The following MTMR2 variants were observed in gnomAD, a reference collection of about 807,000 sequenced individuals.
MTMR2 encodes the protein myotubularin related protein 2, also known as phosphatidylinositol-3,5-bisphosphate 3-phosphatase MTMR2.
MTMR2 carries 55 observed loss-of-function variants against 86.9 expected under a neutral mutation model. That is an observed-to-expected ratio of 0.63 (90% confidence interval 0.51 to 0.79). The LOEUF is 0.79. MTMR2 is among the 30% of genes least tolerant of loss of function. The probability of loss-of-function intolerance (pLI) is 0.00; values close to 1 mark genes in which losing one functional copy is unlikely to be tolerated. For synonymous variants in MTMR2, 241 were observed against 266.8 expected, an observed-to-expected ratio of 0.90 and a Z score of 0.94; for missense variants, 659 against 772.3, an observed-to-expected ratio of 0.85 and a Z score of 1.74.
At chr11:95,922,111 G>C (rs7924962) in intron 1 of MTMR2, among the ~76,000 whole-genome samples, 8,648 of 152,216 alleles carry the variant, frequency 0.057, 817 homozygotes, top group African/African-American at 0.2. Flanking sequence ...GACAATGTTA[G>C]AGTTCCAAGG....
At chr11:95,869,636 A>T (rs1274637588) in intron 2 of MTMR2, among the ~76,000 whole-genome samples, 1 of 152,162 alleles carries the variant, frequency 6.6e-6, no homozygotes, top group Non-Finnish European at 1.5e-5. Context: ...TTCATTTCTT[A>T]TGAGGACTGA....
At chr11:95,910,826 T>C (rs1360640775) in intron 1 of MTMR2, among the ~76,000 whole-genome samples, 1 of 152,044 alleles carries the variant, frequency 6.6e-6, no homozygotes, top group African/African-American at 2.4e-5. Flanking sequence ...CACAATGCAC[T>C]ATAGTATCAT....
At chr11:95,854,282 C>A (rs1864130024) in intron 7 of MTMR2, among the ~76,000 whole-genome samples, 1 of 152,158 alleles carries the variant, frequency 6.6e-6, no homozygotes, top group South Asian at 2.1e-4. Flanking sequence ...CCTTCAGTAT[C>A]CACTTGTCAG....
At chr11:95,909,273 G>A (rs1007755334) in intron 1 of MTMR2, among the ~76,000 whole-genome samples, 3 of 152,002 alleles carry the variant, frequency 2.0e-5, no homozygotes, top group Non-Finnish European at 4.4e-5. Context: ...CAATAAATAA[G>A]ACAAAGCACT....
intron 1 of MTMR2, among the ~76,000 whole-genome samples, chr11:95,923,495 A>G (rs1867009038): frequency 6.6e-6 from 1 of 151,826 alleles, no homozygotes; most frequent in Admixed American, 6.6e-5. Flanking sequence ...TGACTTTAGG[A>G]TGGTTTTGGA....
chr11:95,864,488 C>G (rs1864535711), intron 3 of MTMR2, among the ~76,000 whole-genome samples: 1 of 152,112 alleles, frequency 6.6e-6, no homozygotes, highest in Admixed American at 6.6e-5. Context: ...TCTTCCTATG[C>G]CTTAGTTTCC....
At chr11:95,865,705 A>G in intron 2 of MTMR2, 29 bp from the exon 3 acceptor site, 3 of 1,559,564 alleles carry the variant, frequency 1.9e-6, no homozygotes, top group Non-Finnish European at 1.8e-6. Context: ...AAAAAGAAAC[A>G]TTTTTTTATT....
At chr11:95,907,494 A>C (rs1288869268) in intron 1 of MTMR2, among the ~76,000 whole-genome samples, 1 of 152,150 alleles carries the variant, frequency 6.6e-6, no homozygotes, top group African/African-American at 2.4e-5. Flanking sequence ...ATGAGGAGGA[A>C]GGACTCCCTA....
chr11:95,851,026 G>A (rs1174181100), intron 7 of MTMR2, among the ~76,000 whole-genome samples: 2 of 135,140 alleles, frequency 1.5e-5, no homozygotes, highest in African/African-American at 2.5e-5. Context: ...TTCAGGAGGT[G>A]GAAGGAAACA....
chr11:95,840,658 T>G (rs1404642293), intron 12 of MTMR2, among the ~76,000 whole-genome samples: 1 of 152,136 alleles, frequency 6.6e-6, no homozygotes, highest in Non-Finnish European at 1.5e-5. Context: ...TTCACCCAAG[T>G]AGAAATGCTT....
intron 1 of MTMR2, among the ~76,000 whole-genome samples, chr11:95,919,486 C>A (rs372040235): frequency 4.0e-5 from 6 of 151,638 alleles, no homozygotes; most frequent in Admixed American, 1.3e-4. Context: ...AGTATGGTAC[C>A]CAGAATAACT....
intron 1 of MTMR2, among the ~76,000 whole-genome samples, chr11:95,902,429 T>C (rs1469099127): frequency 1.3e-5 from 2 of 152,146 alleles, no homozygotes; most frequent in African/African-American, 4.8e-5. Context: ...AACCTTACCC[T>C]TTCCTCCCTT....
chr11:95,853,679 C>G (rs1291348746), intron 7 of MTMR2, among the ~76,000 whole-genome samples: 2 of 152,102 alleles, frequency 1.3e-5, no homozygotes, highest in Non-Finnish European at 2.9e-5. Context: ...AATTGTTAAT[C>G]TATTTGTTTG....
At chr11:95,920,718 C>T (rs1482425002) in intron 1 of MTMR2, among the ~76,000 whole-genome samples, 1 of 152,184 alleles carries the variant, frequency 6.6e-6, no homozygotes, top group Non-Finnish European at 1.5e-5. Flanking sequence ...TGTAATCCAA[C>T]TTCAATGGAG....
Position 95,835,324 on chromosome 11 carries a change from G to A in MTMR2, c.1898C>T (p.Ala633Val). 6.2e-7 allele frequency: 1 copy of A among 1,613,048 alleles called. No individual in the cohort carries two copies. The highest frequency in any genetic ancestry group is 8.5e-7 in the Non-Finnish European group (1 of 1,179,308). The change falls in exon 15 of 15, where the codon GCA becomes GTA. Residue 633 changes from alanine (A) to valine (V), a missense_variant. Around this residue, in one of 3 missense-constraint regions of MTMR2, gnomAD observed 193 missense variants for 191.6 expected, o/e 1.01. Coordinates refer to ENST00000346299, the MANE Select transcript of MTMR2 (RefSeq NM_016156.6). ...TSSSERASSP[A>V]QCVTPVQTVV The stretch of plus-strand genomic sequence containing the variant: ...AGTTTGGACAGGAGTGACACACTGT[G>A]CAGGAGAGCTGGCTCTCTCTGAGGA...
intron 2 of MTMR2, among the ~76,000 whole-genome samples, chr11:95,881,848 T>C (rs551187624): frequency 7.1e-4 from 108 of 152,330 alleles, no homozygotes; most frequent in African/African-American, 2.5e-3. Flanking sequence ...GTTTCCAGCA[T>C]AATGCTGAAT....
Position 95,924,060 on chromosome 11 carries a change from C to T in MTMR2, c.-106G>A. ...CGGACCGGGGCCGCAGTCAGGCCAGCGCCGGCCCGGGAGGGAGACCGGAAG... is the reference window on the plus strand; with the variant it reads ...CGGACCGGGGCCGCAGTCAGGCCAGTGCCGGCCCGGGAGGGAGACCGGAAG... On this transcript the variant is annotated 5_prime_UTR_variant, in exon 1 of 15. Transcript: ENST00000346299. The T allele has an allele frequency of 7.0e-7, 1 of 1,434,616 alleles. No homozygotes were observed. The highest frequency in any genetic ancestry group is 9.6e-7 in the Non-Finnish European group (1 of 1,043,998). 88.9% of individuals were successfully genotyped at this position (1,434,616 alleles called of 1,614,324 possible). A position where few individuals can be genotyped will look rare whatever the true frequency, so the allele number is the denominator to read the frequency against.
At chr11:95,902,115 C>A (rs1866095644) in intron 1 of MTMR2, among the ~76,000 whole-genome samples, 1 of 152,058 alleles carries the variant, frequency 6.6e-6, no homozygotes, top group African/African-American at 2.4e-5. Flanking sequence ...TTTCTTTTAC[C>A]CTACTACTTA....
intron 7 of MTMR2, among the ~76,000 whole-genome samples, chr11:95,855,485 C>T (rs1403076745): frequency 1.3e-5 from 2 of 151,986 alleles, no homozygotes; most frequent in Non-Finnish European, 2.9e-5. Context: ...CTCCTGGGCT[C>T]AAGCGACCTG....
Sources: allele counts gnomAD v4.1 joint callset (sites outside exome capture counted in the v4.1 genomes callset), GRCh38; gene constraint gnomAD v4.1.1; regional missense constraint gnomAD v4.1.1; transcripts MANE v1.5; gene names NCBI Gene and HGNC (gene_info 2026-07-23, HGNC 2026-07-21).